Variants in HECW1 observed in about 807,000 individuals in gnomAD.
HECW1 encodes E3 ubiquitin-protein ligase HECW1.
In HECW1, 61 loss-of-function variants were observed where a neutral mutation model predicts 182.3. That is an observed-to-expected ratio of 0.33 (90% CI 0.27 to 0.41). The LOEUF is 0.41. Ranked by LOEUF, HECW1 falls within the 10% of genes least tolerant of loss-of-function variation. HECW1 has a pLI of 1.00. For synonymous variants in HECW1, 859 were observed against 832.6 expected (o/e 1.03, Z -0.55); for missense variants, 1,739 against 2,108.9 (o/e 0.82, Z 3.44).
chr7:43,444,071 C>G lies in HECW1; in HGVS notation c.1046-147C>G. ...ATTCTTACAGAATTTTTCACTAGAG[C>G]TCTGGCCAGTGAGAAACCCTCATCA... is the stretch of plus-strand genomic sequence containing the variant. On this transcript the variant is annotated intron_variant, in intron 10 of 29. Coordinates refer to ENST00000395891, the MANE Select transcript of HECW1 (RefSeq NM_015052.5). The surrounding 1 kb of genome is among the most constrained non-coding windows in gnomAD (Gnocchi z 4.3). 1.3e-6 allele frequency: 1 copy of G among 769,584 alleles called. No individual in the cohort carries two copies. Among genetic ancestry groups the G allele is most frequent in the South Asian group, 2.0e-5 (1 of 50,492 alleles). 47.7% of individuals were successfully genotyped at this position (769,584 alleles called of 1,614,324 possible). A position where few individuals can be genotyped will look rare whatever the true frequency, so the allele number is the denominator to read the frequency against.
At position 43,450,929 on chromosome 7, in the gene HECW1, A is replaced by C. The variant is rs1194385549; in HGVS notation, c.2500A>C (p.Asn834His). ...YPTIDEPLPPNWEARIDSHGR... is the reference protein window; with the variant it reads ...YPTIDEPLPPHWEARIDSHGR... The stretch of plus-strand genomic sequence containing the variant: ...AACAATCGATGAGCCTCTTCCACCA[A>C]GTAAGCTTTAGTTTTTAAAATCTGT... Residue 834 changes from asparagine (N) to histidine (H), a missense_variant and splice_region_variant, in exon 12 of 30, where the codon AAC (asparagine) becomes CAC (histidine). By Grantham distance (68) the Asn-to-His change is moderately conservative (BLOSUM62 1). This residue lies in a region of HECW1 where 971 missense variants were observed against 1,029.1 expected (regional missense o/e 0.94). Coordinates refer to ENST00000395891, the MANE Select transcript of HECW1 (RefSeq NM_015052.5). 2 of 1,589,694 alleles carry C rather than the reference A, an allele frequency of 1.3e-6. No individual in the cohort carries two copies. The highest frequency in any genetic ancestry group is 4.5e-5 in the East Asian group (2 of 44,768).
chr7:43,264,317 A>G (rs1368697282), intron 3 of HECW1, among the ~76,000 whole-genome samples: 1 of 152,140 alleles, frequency 6.6e-6, no homozygotes, highest in Non-Finnish European at 1.5e-5. Flanking sequence ...GATTCCACAT[A>G]TAAGTGAGAT....
intron 6 of HECW1, among the ~76,000 whole-genome samples, chr7:43,366,421 T>C (rs773699605): frequency 3.3e-5 from 5 of 152,134 alleles, no homozygotes; most frequent in Non-Finnish European, 7.4e-5. Context: ...TAAAAGTAGA[T>C]ATTTCAAAAA....
At chr7:43,133,053 T>C (rs900719175) in intron 2 of HECW1, among the ~76,000 whole-genome samples, 6 of 152,152 alleles carry the variant, frequency 3.9e-5, no homozygotes, top group African/African-American at 1.4e-4. Flanking sequence ...TGGGGGAATT[T>C]ACTGAAGTTA....
At chr7:43,451,443 T>C (rs930835380) in intron 12 of HECW1, among the ~76,000 whole-genome samples, 1 of 152,172 alleles carries the variant, frequency 6.6e-6, no homozygotes, top group Non-Finnish European at 1.5e-5. Context: ...TTCTTAGGGG[T>C]TGCCAGGCAA....
intron 19 of HECW1, among the ~76,000 whole-genome samples, chr7:43,494,410 AC>A (rs1316545861): frequency 6.6e-6 from 1 of 152,120 alleles, no homozygotes; most frequent in Non-Finnish European, 1.5e-5. Context: ...CCCTATCATA[AC>A]CAGAGTTACC....
chr7:43,561,246 C>G (rs1479795506), intron 29 of HECW1, among the ~76,000 whole-genome samples: 1 of 152,210 alleles, frequency 6.6e-6, no homozygotes, highest in Non-Finnish European at 1.5e-5. Context: ...AGGACTGGCT[C>G]ACACGGGCAG....
At chr7:43,190,741 C>T (rs1225510505) in intron 2 of HECW1, among the ~76,000 whole-genome samples, 1 of 152,230 alleles carries the variant, frequency 6.6e-6, no homozygotes, top group Non-Finnish European at 1.5e-5. Flanking sequence ...AGACCCTCTT[C>T]CCAGAATGCT....
chr7:43,527,146 G>A (rs564320723), intron 24 of HECW1, among the ~76,000 whole-genome samples: 3 of 152,164 alleles, frequency 2.0e-5, no homozygotes, highest in Admixed American at 1.3e-4. Context: ...CCCTTCTTGC[G>A]TGAAATTAAA....
intron 3 of HECW1, among the ~76,000 whole-genome samples, chr7:43,303,172 C>T (rs1807078442): frequency 6.6e-6 from 1 of 152,140 alleles, no homozygotes; most frequent in Non-Finnish European, 1.5e-5. Context: ...CGCCTCCAAA[C>T]ATAAACCTCC....
chr7:43,137,528 T>TTTA (rs1562585528), intron 2 of HECW1, among the ~76,000 whole-genome samples: 29,620 of 147,430 alleles, frequency 0.2, 3,378 homozygotes, highest in South Asian at 0.24. Context: ...TTCTGCCTTC[T>TTTA]TTTATTTATT....
intron 5 of HECW1, among the ~76,000 whole-genome samples, chr7:43,345,753 G>A (rs1158358073): frequency 6.6e-6 from 1 of 151,538 alleles, no homozygotes; most frequent in African/African-American, 2.4e-5. Flanking sequence ...CACTGCAAAT[G>A]TTAATTCATT....
Position 43,562,055 on chromosome 7 carries a change from A to G in HECW1, c.*129A>G. On this transcript the variant is annotated 3_prime_UTR_variant, in exon 30 of 30. Coordinates refer to ENST00000395891, the MANE Select transcript of HECW1 (RefSeq NM_015052.5). ...TTCCATGATTTTTATTTTCAAACCAAATCAGGATTGACAAAAGCTGTGCAT... is the reference window on the plus strand; with the variant it reads ...TTCCATGATTTTTATTTTCAAACCAGATCAGGATTGACAAAAGCTGTGCAT... The G allele has an allele frequency of 1.6e-6, 1 of 632,394 alleles. No homozygotes were observed. The highest frequency in any genetic ancestry group is 1.9e-5 in the South Asian group (1 of 51,588). The allele number at this position is 632,394 out of a possible 1,614,324, so 39.2% of individuals were successfully genotyped here.
At chr7:43,461,516 G>A (rs921533017) in intron 13 of HECW1, among the ~76,000 whole-genome samples, 11 of 152,198 alleles carry the variant, frequency 7.2e-5, no homozygotes, top group Non-Finnish European at 1.2e-4. Context: ...AGCTGCCTTA[G>A]TCTTTGGCAG....
chr7:43,157,970 G>A (rs1424806227), intron 2 of HECW1, among the ~76,000 whole-genome samples: 2 of 152,226 alleles, frequency 1.3e-5, no homozygotes, highest in Non-Finnish European at 2.9e-5. Context: ...GATGAAGAGT[G>A]AAGATGTAGT....
intron 3 of HECW1, among the ~76,000 whole-genome samples, chr7:43,297,772 T>TA (rs922039832): frequency 1.3e-4 from 19 of 151,470 alleles, no homozygotes; most frequent in South Asian, 8.4e-4. Context: ...GTGATTTTTC[T>TA]AAAAAAAAAC....
intron 2 of HECW1, among the ~76,000 whole-genome samples, chr7:43,212,706 T>G (rs1379458480): frequency 6.6e-6 from 1 of 152,248 alleles, no homozygotes; most frequent in Non-Finnish European, 1.5e-5. Context: ...AGATCTTCAT[T>G]ATTTTAATCT....
intron 16 of HECW1, among the ~76,000 whole-genome samples, chr7:43,475,677 A>G (rs940381383): frequency 2.6e-5 from 4 of 152,098 alleles, no homozygotes; most frequent in Non-Finnish European, 4.4e-5. Context: ...CAGTCTCCTG[A>G]GTAGCTGGGA....
At chr7:43,128,466 C>G (rs1786527293) in intron 2 of HECW1, among the ~76,000 whole-genome samples, 1 of 152,148 alleles carries the variant, frequency 6.6e-6, no homozygotes, top group Non-Finnish European at 1.5e-5. Flanking sequence ...GCATGGTCTA[C>G]TAAATATTTA....
Sources: gnomAD v4.1 joint callset for allele counts (sites outside exome capture counted in the v4.1 genomes callset) on GRCh38, gnomAD v4.1.1 for gene constraint, gnomAD v4.1.1 regional missense constraint, Gnocchi (gnomAD v3.1) non-coding constraint, MANE v1.5 for transcripts, NCBI Gene and HGNC (gene_info 2026-07-23, HGNC 2026-07-21) for gene names.